The following RNF181 variants were observed in gnomAD, a reference collection of about 807,000 sequenced individuals.
RNF181 encodes the protein E3 ubiquitin-protein ligase RNF181.
Under a neutral mutation model 23.3 loss-of-function variants are expected in RNF181, and 25 were observed. That is an observed-to-expected ratio of 1.07 (90% confidence interval 0.78 to 1.50). The LOEUF (loss-of-function observed/expected upper bound fraction) is 1.50. RNF181 is among the 40% of genes most tolerant of loss of function. The pLI, the probability that RNF181 is intolerant of heterozygous loss-of-function variation, is 0.00. For missense variants in RNF181, 167 were observed against 191.1 expected (o/e 0.87, Z 0.74); for synonymous variants, 62 against 70.9 (o/e 0.87, Z 0.63).
chr2:85,595,980 G>A, intron 1 of RNF181, 131 bp downstream of exon 1: 1 of 788,944 alleles, frequency 1.3e-6, no homozygotes, highest in Non-Finnish European at 2.1e-6. Flanking sequence ...GTTAGTACGG[G>A]CGGCGAGACT....
chr2:85,596,420 C>G, intron 1 of RNF181, 99 bp from the exon 2 acceptor site: 7 of 1,238,046 alleles, frequency 5.7e-6, no homozygotes, highest in Non-Finnish European at 7.8e-6. Flanking sequence ...GCTATTATTC[C>G]TACTAGCTGG....
In RNF181 at chr2:85,597,125, C is replaced by T. The variant is rs897036386; in HGVS notation, c.349C>T (p.Arg117Cys). ...LSKTNSCPLC[R>C]YELPTDDDTY... ...TCAGACAAATTCCTGTCCCTTGTGC[C>T]GCTATGAGCTGCCCACTGATGACGA... The change falls in exon 4 of 5, where the codon CGC (arginine) becomes TGC (cysteine). Residue 117 changes from arginine (R) to cysteine (C), a missense_variant. Arg to Cys is a radical substitution (Grantham distance 180, BLOSUM62 -3). Coordinates refer to ENST00000306368, the MANE Select transcript of RNF181 (RefSeq NM_016494.4). The T allele has an allele frequency of 1.2e-5, 19 of 1,613,952 alleles. No individual in the cohort carries two copies. The highest frequency in any genetic ancestry group is 1.6e-4 in the Middle Eastern group (1 of 6,084).
intron 1 of RNF181, 63 bp from the exon 2 acceptor site, chr2:85,596,456 G>A: frequency 2.0e-6 from 3 of 1,521,446 alleles, no homozygotes; most frequent in South Asian, 2.6e-5. Context: ...ATGTCCAGTG[G>A]ATTATGGGGA....
chr2:85,596,826 C>G lies in RNF181; in HGVS notation c.222C>G (p.Leu74=), dbSNP rs771366301. Residue 74 remains leucine (L), a synonymous_variant, in exon 3 of 5, where the codon CTC becomes CTG. Transcript: ENST00000306368. The part of the protein sequence containing the change: ...RTVIRGSQAE[L]KCPVCLLEFE... Reference sequence around the variant, plus strand: ...GATCAGCACTCCTTCCTAAAGAGCTCAAGTGCCCCGTGTGTCTTTTGGAAT... The same window carrying G: ...GATCAGCACTCCTTCCTAAAGAGCTGAAGTGCCCCGTGTGTCTTTTGGAAT... The G allele has an allele frequency of 3.1e-6, 5 of 1,613,890 alleles. No individual in the cohort carries two copies. The highest frequency in any genetic ancestry group is 4.2e-6 in the Non-Finnish European group (5 of 1,179,970).
intron 3 of RNF181, 29 bp from the exon 4 acceptor site, chr2:85,597,075 A>G: frequency 6.2e-7 from 1 of 1,614,178 alleles, no homozygotes; most frequent in Non-Finnish European, 8.5e-7. Flanking sequence ...GATCAGACCA[A>G]GGCTAGAACA....
rs890119559 is a variant in RNF181, at chr2:85,597,615, G to A, written c.*111G>A. The A allele has an allele frequency of 6.6e-7, 1 of 1,509,526 alleles. No homozygotes were observed. Among genetic ancestry groups the A allele is most frequent in the African/African-American group, 1.4e-5 (1 of 71,388 alleles). The allele number at this position is 1,509,526 out of a possible 1,614,324, so 93.5% of individuals were successfully genotyped here. On this transcript the variant is annotated 3_prime_UTR_variant, in exon 5 of 5. Transcript: ENST00000306368. ...TGTATTGATCACAGACCTGGCCAGG[G>A]GCTCTGCATCCTCCATCAGGTCTCT...
chr2:85,596,002 G>A (rs572818346), intron 1 of RNF181, among the ~76,000 whole-genome samples, 153 bp downstream of exon 1: 1 of 151,808 alleles, frequency 6.6e-6, no homozygotes, highest in South Asian at 2.1e-4. Flanking sequence ...AGGGGTGTGG[G>A]GATGAGCATC....
Position 85,596,834 on chromosome 2 carries a change from C to T in RNF181, c.230C>T (p.Pro77Leu). Reference sequence around the variant, plus strand: ...CTCCTTCCTAAAGAGCTCAAGTGCCCCGTGTGTCTTTTGGAATTTGAGGAG... The same window carrying T: ...CTCCTTCCTAAAGAGCTCAAGTGCCTCGTGTGTCTTTTGGAATTTGAGGAG... ...IRGSQAELKC[P>L]VCLLEFEEEE... is the part of the protein sequence containing the mutation. Residue 77 changes from proline to leucine, a missense_variant, in exon 3 of 5, where the codon CCC becomes CTC. Coordinates refer to ENST00000306368, the MANE Select transcript of RNF181 (RefSeq NM_016494.4). The T allele has an allele frequency of 6.2e-7, 1 of 1,614,184 alleles. No homozygotes were observed. Among genetic ancestry groups the T allele is most frequent in the Non-Finnish European group, 8.5e-7 (1 of 1,180,030 alleles).
Position 85,596,872 on chromosome 2 carries a change from A to G in RNF181, c.268A>G (p.Ile90Val). ...LLEFEEEETA[I>V]EMPCHHLFHS... ...GGAATTTGAGGAGGAGGAGACTGCCATTGAGATGCCTTGCCATCACCTTTT... is the reference window on the plus strand; with the variant it reads ...GGAATTTGAGGAGGAGGAGACTGCCGTTGAGATGCCTTGCCATCACCTTTT... The change falls in exon 3 of 5, where the codon ATT (isoleucine) becomes GTT (valine). Residue 90 changes from isoleucine (I) to valine (V), a missense_variant. Coordinates refer to ENST00000306368, the MANE Select transcript of RNF181 (RefSeq NM_016494.4). 1 of 1,614,186 alleles carries G rather than the reference A, an allele frequency of 6.2e-7. No individual in the cohort carries two copies. Among genetic ancestry groups the G allele is most frequent in the Non-Finnish European group, 8.5e-7 (1 of 1,180,042 alleles).
In RNF181 at chr2:85,596,947, T is replaced by C; in HGVS notation, c.327+16T>C. ...GCTAAGCAAGGTACTGCTTCTCTTC[T>C]TCTAGCTCTCACCGTGCCCTGGGCC... On this transcript the variant is annotated intron_variant, in intron 3 of 4. Coordinates refer to ENST00000306368, the MANE Select transcript of RNF181 (RefSeq NM_016494.4). 6.2e-7 allele frequency: 1 copy of C among 1,614,192 alleles called. No homozygotes were observed. Among genetic ancestry groups the C allele is most frequent in the South Asian group, 1.1e-5 (1 of 91,088 alleles).
intron 1 of RNF181, 39 bp downstream of exon 1, chr2:85,595,888 G>A: frequency 6.3e-7 from 1 of 1,584,676 alleles, no homozygotes; most frequent in Non-Finnish European, 8.6e-7. Context: ...CCAACCAGCA[G>A]GTTTCTGGGC....
At chr2:85,596,353 TA>T (rs34772095) in intron 1 of RNF181, among the ~76,000 whole-genome samples, 165 bp from the exon 2 acceptor site, 19,143 of 152,128 alleles carry the variant, frequency 0.13, 1,318 homozygotes, top group South Asian at 0.2. Flanking sequence ...ATAGCAGTTG[TA>T]AACTATTTCC....
In RNF181 at chr2:85,597,134, C is replaced by A. The variant is rs542716200; in HGVS notation, c.358C>A (p.Leu120Met). ...TNSCPLCRYE[L>M]PTDDDTYEEH... ...TTCCTGTCCCTTGTGCCGCTATGAG[C>A]TGCCCACTGATGACGACACTTATGA... The change falls in exon 4 of 5, where the codon CTG becomes ATG. Residue 120 changes from leucine (L) to methionine (M), a missense_variant. Physicochemically the swap from Leu to Met is conservative, Grantham distance 15 (BLOSUM62 2). Coordinates refer to ENST00000306368, the MANE Select transcript of RNF181 (RefSeq NM_016494.4). 5.0e-6 allele frequency: 8 copies of A among 1,614,036 alleles called. No individual in the cohort carries two copies. Among genetic ancestry groups the A allele is most frequent in the Non-Finnish European group, 6.8e-6 (8 of 1,180,026 alleles).
Position 85,597,582 on chromosome 2 carries a change from C to T in RNF181, c.*78C>T. 6.3e-7 allele frequency: 1 copy of T among 1,592,534 alleles called. No individual in the cohort carries two copies. The highest frequency in any genetic ancestry group is 8.5e-7 in the Non-Finnish European group (1 of 1,170,508). ...CCTCATTAAAGGTTTCTTTACCCAC[C>T]CTGAGGCTGTATTGATCACAGACCT... On this transcript the variant is annotated 3_prime_UTR_variant, in exon 5 of 5. Coordinates refer to ENST00000306368, the MANE Select transcript of RNF181 (RefSeq NM_016494.4).
At chr2:85,597,361 G>A (rs1672697495) in intron 4 of RNF181, 84 bp from the exon 5 acceptor site, 1 of 1,509,812 alleles carries the variant, frequency 6.6e-7, no homozygotes, top group Non-Finnish European at 8.9e-7. Context: ...CCTGAAAACA[G>A]AGCCAGCCCC....
Position 85,596,991 on chromosome 2 carries a change from C to G in RNF181, c.327+60C>G, listed in dbSNP as rs763767260. ...CTGGGCCCAGTACTCAAGCTTCTTT[C>G]TGTTCATGGACTGCTGGGGGATGGA... On this transcript the variant is annotated intron_variant, in intron 3 of 4. Coordinates refer to ENST00000306368, the MANE Select transcript of RNF181 (RefSeq NM_016494.4). 5.0e-6 allele frequency: 8 copies of G among 1,613,916 alleles called. No individual in the cohort carries two copies. In the Admixed American group the frequency reaches 1.0e-4, roughly 20 times the overall value.
rs1369745792 is a variant in RNF181, at chr2:85,596,881, C to G, written c.277C>G (p.Pro93Ala). Residue 93 changes from proline to alanine, a missense_variant, in exon 3 of 5, where the codon CCT (proline) becomes GCT (alanine). Transcript: ENST00000306368. ...FEEEETAIEM[P>A]CHHLFHSSCI... ...GGAGGAGGAGACTGCCATTGAGATG[C>G]CTTGCCATCACCTTTTCCATTCCAG... The G allele has an allele frequency of 6.2e-7, 1 of 1,614,098 alleles. No homozygotes were observed. Among genetic ancestry groups the G allele is most frequent in the African/African-American group, 1.3e-5 (1 of 74,910 alleles).
intron 4 of RNF181, 37 bp from the exon 5 acceptor site, chr2:85,597,408 G>A (rs1156334758): frequency 6.3e-7 from 1 of 1,586,590 alleles, no homozygotes; most frequent in Non-Finnish European, 8.6e-7. Flanking sequence ...TAGGCCTTCA[G>A]TTTTGGCCCC....
intron 4 of RNF181, 114 bp downstream of exon 4, chr2:85,597,292 G>C: frequency 7.3e-7 from 1 of 1,375,894 alleles, no homozygotes; most frequent in Non-Finnish European, 1.0e-6. Context: ...CCTGGCTCTG[G>C]CTGTCTTCTT....
Sources: allele counts gnomAD v4.1 joint callset (sites outside exome capture counted in the v4.1 genomes callset), GRCh38; gene constraint gnomAD v4.1.1; transcripts MANE v1.5; gene names NCBI Gene and HGNC (gene_info 2026-07-23, HGNC 2026-07-21).